NCMAP: variants seen among roughly 807,000 people sequenced by gnomAD.
NCMAP encodes non-compact myelin associated protein.
In NCMAP, 8 loss-of-function variants were observed where a neutral mutation model predicts 7.8. The observed-to-expected ratio is 1.02, with a 90% CI of 0.60 to 1.84. The LOEUF is 1.84. Among genes scored for constraint, NCMAP ranks in the 40% most tolerant of loss-of-function variants. NCMAP has a pLI of 0.00. For missense variants in NCMAP, 112 were observed against 131.4 expected (o/e 0.85, Z 0.72); for synonymous variants, 41 against 52.9 (o/e 0.78, Z 0.98).
intron 1 of NCMAP, among the ~76,000 whole-genome samples, chr1:24,564,524 A>C (rs567194334): frequency 2.7e-5 from 4 of 148,526 alleles, no homozygotes; most frequent in Admixed American, 2.1e-4. Context: ...AAAAAAAAAA[A>C]AAAAAAAACA....
At chr1:24,564,087 A>G (rs1651140501) in intron 1 of NCMAP, 1 of 152,238 alleles carries the variant, frequency 6.6e-6, no homozygotes, top group Non-Finnish European at 1.5e-5. Flanking sequence ...TAAAAAATAA[A>G]AGACATAATA....
intron 1 of NCMAP, among the ~76,000 whole-genome samples, chr1:24,565,278 T>C (rs996319531): frequency 6.6e-6 from 1 of 150,740 alleles, no homozygotes; most frequent in Non-Finnish European, 1.5e-5. Flanking sequence ...AGGTTGAAAC[T>C]GAACTTGACA....
At chr1:24,600,081 AC>A (rs1476661607) in intron 2 of NCMAP, among the ~76,000 whole-genome samples, 7 of 143,246 alleles carry the variant, frequency 4.9e-5, no homozygotes. Flanking sequence ...AGTGATCCTC[AC>A]CCCCCAGCCT....
intron 1 of NCMAP, among the ~76,000 whole-genome samples, chr1:24,560,747 GA>G (rs58085206): frequency 0.048 from 6,834 of 141,054 alleles, 479 homozygotes; most frequent in African/African-American, 0.16. Flanking sequence ...CTATCTCATA[GA>G]AAAAAAAAAA....
At chr1:24,564,131 G>T (rs1570512572) in intron 1 of NCMAP, among the ~76,000 whole-genome samples, 1 of 152,144 alleles carries the variant, frequency 6.6e-6, no homozygotes, top group Non-Finnish European at 1.5e-5. Flanking sequence ...TACAACTGAA[G>T]AATTTGCGAG....
At chr1:24,586,257 T>C (rs1279111819) in intron 1 of NCMAP, among the ~76,000 whole-genome samples, 1 of 152,164 alleles carries the variant, frequency 6.6e-6, no homozygotes, top group Non-Finnish European at 1.5e-5. Flanking sequence ...GTCACAGCAC[T>C]GTCATTTAGC....
rs140778048 is a variant in NCMAP, at chr1:24,598,404, C to A, written c.83-2536C>A. Among the ~76,000 whole-genome samples the A allele has an allele frequency of 9.2e-5, 14 of 152,166 alleles. No individual in the cohort carries two copies. In the East Asian group the frequency reaches 1.7e-3, roughly 19 times the overall value. ...CCTTCTAATCACCATCCTCCACCCC[C>A]CCAAGGGGACCTGCTATTCTGACTT... On this transcript the variant is annotated intron_variant, in intron 2 of 3. Coordinates refer to ENST00000374392, the MANE Select transcript of NCMAP (RefSeq NM_001010980.5).
At chr1:24,577,599 C>T (rs904543727) in intron 1 of NCMAP, among the ~76,000 whole-genome samples, 7 of 151,740 alleles carry the variant, frequency 4.6e-5, no homozygotes, top group Non-Finnish European at 1.0e-4. Context: ...GAAGTCAACA[C>T]ACTTGGTTCC....
chr1:24,579,195 G>A (rs1651678212), intron 1 of NCMAP, among the ~76,000 whole-genome samples: 1 of 148,800 alleles, frequency 6.7e-6, no homozygotes, highest in African/African-American at 2.5e-5. Context: ...GGTAGGGTGG[G>A]GGTTTTTTTT....
chr1:24,574,621 AGAACTCC>A (rs977825193), intron 1 of NCMAP, among the ~76,000 whole-genome samples: 2 of 151,912 alleles, frequency 1.3e-5, no homozygotes, highest in African/African-American at 4.8e-5. Context: ...GTCTCTCTGG[AGAACTCC>A]GACATATACC....
intron 1 of NCMAP, among the ~76,000 whole-genome samples, chr1:24,572,635 C>T (rs1236835083): frequency 6.6e-6 from 1 of 150,634 alleles, no homozygotes; most frequent in African/African-American, 2.5e-5. Flanking sequence ...TGCTCAGCCC[C>T]CTCCTCCTAG....
At chr1:24,595,339 C>A (rs1172708423) in intron 1 of NCMAP, 85 bp from the exon 2 acceptor site, 2 of 893,648 alleles carry the variant, frequency 2.2e-6, no homozygotes, top group Non-Finnish European at 3.5e-6. Flanking sequence ...CTACAGTCAT[C>A]CAGATAAAGA....
chr1:24,578,032 G>A (rs1359811626), intron 1 of NCMAP, among the ~76,000 whole-genome samples: 1 of 152,098 alleles, frequency 6.6e-6, no homozygotes, highest in Non-Finnish European at 1.5e-5. Context: ...GGAGGCTGAG[G>A]CGGGTGGATC....
chr1:24,587,139 T>G (rs1194303262), intron 1 of NCMAP, among the ~76,000 whole-genome samples: 1 of 152,224 alleles, frequency 6.6e-6, no homozygotes, highest in Non-Finnish European at 1.5e-5. Flanking sequence ...ACTGTCATTC[T>G]GAACATGTCA....
intron 1 of NCMAP, among the ~76,000 whole-genome samples, chr1:24,561,922 AAAAG>A (rs1407582568): frequency 3.3e-5 from 5 of 152,098 alleles, no homozygotes; most frequent in African/African-American, 7.2e-5. Flanking sequence ...AAAAAAAAAA[AAAAG>A]AAAAAGGAGG....
intron 1 of NCMAP, among the ~76,000 whole-genome samples, chr1:24,559,422 C>A (rs1165625936): frequency 1.3e-5 from 2 of 152,164 alleles, no homozygotes; most frequent in Non-Finnish European, 2.9e-5. Flanking sequence ...AGGGGCTGAG[C>A]CAAGAAAAGA....
In NCMAP at chr1:24,573,971, A is replaced by AAAAAAAAAAAAAAAAAAAAAC. The variant is rs1337931415; in HGVS notation, c.-8+17802_-8+17803insAAAAAAAAAAAAAAAAAAAAC. Among the ~76,000 whole-genome samples the AAAAAAAAAAAAAAAAAAAAAC allele has an allele frequency of 5.1e-4, 70 of 137,518 alleles. 2 individuals carry two copies. The highest frequency in any genetic ancestry group is 1.7e-3 in the African/African-American group (59 of 34,118). 90.2% of individuals were successfully genotyped at this position (137,518 alleles called of 152,430 possible). A position where few individuals can be genotyped will look rare whatever the true frequency, so the allele number is the denominator to read the frequency against. On this transcript the variant is annotated intron_variant, in intron 1 of 3. Coordinates refer to ENST00000374392, the MANE Select transcript of NCMAP (RefSeq NM_001010980.5). ...AGAGGACAAAAAAAAAAAAAAAAAA[A>AAAAAAAAAAAAAAAAAAAAAC]CAGAAAAAAGGGGGAATATGTCAGT...
At chr1:24,556,766 A>T (rs1302527628) in intron 1 of NCMAP, among the ~76,000 whole-genome samples, 1 of 151,976 alleles carries the variant, frequency 6.6e-6, no homozygotes, top group Non-Finnish European at 1.5e-5. Flanking sequence ...TTGTGGGAGG[A>T]GATGGCTGTG....
intron 1 of NCMAP, among the ~76,000 whole-genome samples, chr1:24,574,264 G>A (rs1651481498): frequency 6.6e-6 from 1 of 150,584 alleles, no homozygotes; most frequent in Non-Finnish European, 1.5e-5. Flanking sequence ...AATTACAGGT[G>A]CGTGCCACCA....
Sources: allele counts gnomAD v4.1 joint callset (sites outside exome capture counted in the v4.1 genomes callset), GRCh38; gene constraint gnomAD v4.1.1; transcripts MANE v1.5; gene names NCBI Gene and HGNC (gene_info 2026-07-23, HGNC 2026-07-21).